The following PHC2 variants were observed in gnomAD, a reference collection of about 807,000 sequenced individuals.
PHC2 encodes polyhomeotic homolog 2, also known as polyhomeotic-like protein 2.
Under a neutral mutation model 87.4 loss-of-function variants are expected in PHC2, and 29 were observed. The observed-to-expected ratio is 0.33, with a 90% CI of 0.25 to 0.45. PHC2 has a LOEUF of 0.45. Ranked by LOEUF, PHC2 falls within the 20% of genes least tolerant of loss-of-function variation. The probability of loss-of-function intolerance (pLI) is 1.00; values close to 1 mark genes in which losing one functional copy is unlikely to be tolerated. For missense variants in PHC2, 857 were observed against 1,136.7 expected, an observed-to-expected ratio of 0.75 and a Z score of 3.54; for synonymous variants, 438 against 461.7, an observed-to-expected ratio of 0.95 and a Z score of 0.66.
chr1:33,367,429 C>G lies in PHC2; in HGVS notation c.664-1G>C. 1.9e-6 allele frequency: 3 copies of G among 1,550,004 alleles called. No homozygotes were observed. The highest frequency in any genetic ancestry group is 2.6e-6 in the Non-Finnish European group (3 of 1,144,264). On this transcript the variant is annotated splice_acceptor_variant, in intron 6 of 14. Coordinates refer to ENST00000683057, the MANE Select transcript of PHC2 (RefSeq NM_001385109.1). LOFTEE classifies it high-confidence loss of function. ...GTGTTCGGAGGGTCAAGTTCTGTAC[C>G]TGGAAAAGAGGGGTCTGTGGGAGTC...
In PHC2 at chr1:33,384,674, G is replaced by A. The variant is rs144478869; in HGVS notation, c.-54-9081C>T. On this transcript the variant is annotated intron_variant, in intron 1 of 14. Transcript: ENST00000683057. ...CACTCTCCATCTCCCTGGCCGGAGC[G>A]CATTCACCCTTTGCAGTTCAGCTAT... 4.1e-4 allele frequency among the ~76,000 whole-genome samples: 62 copies of A among 152,232 alleles called. No homozygotes were observed. In the East Asian group the frequency reaches 4.3e-3, roughly 10 times the overall value.
chr1:33,356,249 TTATATATATATA>T (rs60725677), intron 7 of PHC2, among the ~76,000 whole-genome samples: 5 of 101,534 alleles, frequency 4.9e-5, no homozygotes, highest in Non-Finnish European at 1.1e-4. Context: ...GTGAAAATTC[TTATATATATATA>T]TATATATATA....
In PHC2 at chr1:33,331,349, T is replaced by C. The variant is rs1361547906; in HGVS notation, c.2005A>G (p.Arg669Gly). The C allele has an allele frequency of 6.4e-7, 1 of 1,569,762 alleles. No individual in the cohort carries two copies. Among genetic ancestry groups the C allele is most frequent in the East Asian group, 2.2e-5 (1 of 44,558 alleles). ...KRFCSMACAKRYNVGCTKRVG... is the reference protein window; with the variant it reads ...KRFCSMACAKGYNVGCTKRVG... ...ATGGAGGGGGCTGGGGCCACTCACCTCTTTGCACAAGCCATGGAACAGAAG... is the reference window on the plus strand; with the variant it reads ...ATGGAGGGGGCTGGGGCCACTCACCCCTTTGCACAAGCCATGGAACAGAAG... Residue 669 changes from arginine to glycine, a missense_variant and splice_region_variant, in exon 12 of 15, where the codon AGG becomes GGG. Physicochemically the swap from Arg to Gly is moderately radical, Grantham distance 125. Coordinates refer to ENST00000683057, the MANE Select transcript of PHC2 (RefSeq NM_001385109.1). The surrounding 1 kb of genome is among the most constrained non-coding windows in gnomAD (Gnocchi z 5.2).
chr1:33,325,057 C>T (rs887832097), intron 14 of PHC2, 38 bp from the exon 15 acceptor site: 46 of 1,563,580 alleles, frequency 2.9e-5, no homozygotes, highest in African/African-American at 4.1e-5. Flanking sequence ...CAATCCAAGC[C>T]GCCAGTGTTC....
At position 33,368,556 on chromosome 1, in the gene PHC2, G is replaced by GGGC; in HGVS notation, c.640_642dup (p.Ala214dup). 1 of 1,543,600 alleles carries GGGC rather than the reference G, an allele frequency of 6.5e-7. No individual in the cohort carries two copies. The highest frequency in any genetic ancestry group is 8.8e-7 in the Non-Finnish European group (1 of 1,142,564). ...CTCACCTGGGCGGGGGTGGGGGGCCGGGCGGGGGAGCCAGTGCCGAGCTCA... is the reference window on the plus strand; with the variant it reads ...CTCACCTGGGCGGGGGTGGGGGGCCGGGCGGCGGGGGAGCCAGTGCCGAGCTCA... On this transcript the variant is annotated inframe_insertion, in exon 6 of 15. Coordinates refer to ENST00000683057, the MANE Select transcript of PHC2 (RefSeq NM_001385109.1). The surrounding 1 kb of genome is among the most constrained non-coding windows in gnomAD (Gnocchi z 6.6).
intron 14 of PHC2, among the ~76,000 whole-genome samples, chr1:33,327,914 C>T (rs1646405436): frequency 1.3e-5 from 2 of 152,214 alleles, no homozygotes; most frequent in African/African-American, 4.8e-5. Flanking sequence ...CCCAGGAAGC[C>T]ACTCCTGAAT....
intron 7 of PHC2, among the ~76,000 whole-genome samples, chr1:33,361,868 C>T (rs970156666): frequency 2.0e-5 from 3 of 152,176 alleles, no homozygotes; most frequent in Admixed American, 1.3e-4. Flanking sequence ...TTCTCTGTGC[C>T]GGTCACTTGC....
chr1:33,416,661 T>C (rs1369519328), intron 1 of PHC2, among the ~76,000 whole-genome samples: 3 of 149,786 alleles, frequency 2.0e-5, no homozygotes, highest in African/African-American at 7.3e-5. Context: ...TGGATAGACA[T>C]CTTTAAAGTC....
Position 33,355,082 on chromosome 1 carries a change from G to A in PHC2, c.1148C>T (p.Pro383Leu), listed in dbSNP as rs1268137531. The stretch of plus-strand genomic sequence containing the variant: ...TGAGCTGGGCTGGAGGGCCACGCTT[G>A]GAGAGACTGAGGCGAGCTGGGGGTG... ...EPHPQLASVS[P>L]SVALQPSSEA... The change falls in exon 8 of 15, where the codon CCA becomes CTA. Residue 383 changes from proline to leucine, a missense_variant. Pro to Leu is a moderately conservative substitution (Grantham distance 98). This residue lies in a region of PHC2 where 832 missense variants were observed against 1,081.8 expected (regional missense o/e 0.77). Coordinates refer to ENST00000683057, the MANE Select transcript of PHC2 (RefSeq NM_001385109.1). The A allele has an allele frequency of 1.2e-6, 2 of 1,612,582 alleles. No homozygotes were observed. Among genetic ancestry groups the A allele is most frequent in the Middle Eastern group, 1.7e-4 (1 of 6,054 alleles).
chr1:33,364,028 G>A lies in PHC2; in HGVS notation c.976+3088C>T, dbSNP rs897633571. On this transcript the variant is annotated intron_variant, in intron 7 of 14. Transcript: ENST00000683057. This position sits in a 1 kb window ranked among gnomAD's most constrained non-coding sequence, Gnocchi z 4.1. Reference sequence around the variant, plus strand: ...CACCTGCTCCCCCACCCCTATTCTCGGCATAAGGGACCTTTTCTATTTGCA... The same window carrying A: ...CACCTGCTCCCCCACCCCTATTCTCAGCATAAGGGACCTTTTCTATTTGCA... 11 of 378,266 alleles carry A rather than the reference G, an allele frequency of 2.9e-5. No homozygotes were observed. The highest frequency in any genetic ancestry group is 1.7e-4 in the East Asian group (1 of 6,034). The allele number at this position is 378,266 out of a possible 1,614,324, so 23.4% of individuals were successfully genotyped here.
rs191269545 is a variant in PHC2, at chr1:33,349,147, G to A, written c.1558+5254C>T. ...CCCTTTCCATCCAATTAAAAACCTC[G>A]TGAGACTGAACTAGATTAAAAACAA... On this transcript the variant is annotated intron_variant, in intron 9 of 14. Coordinates refer to ENST00000683057, the MANE Select transcript of PHC2 (RefSeq NM_001385109.1). The surrounding 1 kb of genome is among the most constrained non-coding windows in gnomAD (Gnocchi z 4.2). 1,289 of 985,364 alleles carry A rather than the reference G, an allele frequency of 1.3e-3. No homozygotes were observed. The highest frequency in any genetic ancestry group is 5.1e-3 in the East Asian group (45 of 8,804). The allele number at this position is 985,364 out of a possible 1,614,324, so 61.0% of individuals were successfully genotyped here.
intron 1 of PHC2, among the ~76,000 whole-genome samples, chr1:33,379,549 C>T (rs1305318566): frequency 7.8e-6 from 1 of 128,112 alleles, no homozygotes; most frequent in African/African-American, 3.1e-5. Context: ...TTTGATTCCC[C>T]AGTCCCTGGT....
intron 4 of PHC2, 81 bp from the exon 5 acceptor site, chr1:33,370,666 CCT>C (rs949054343): frequency 3.7e-5 from 50 of 1,364,110 alleles, no homozygotes; most frequent in African/African-American, 3.3e-4. Flanking sequence ...CTTTCTCCCC[CCT>C]CTTTTGCTCC....
At chr1:33,339,036 C>G (rs1032723111) in intron 9 of PHC2, among the ~76,000 whole-genome samples, 1 of 152,192 alleles carries the variant, frequency 6.6e-6, no homozygotes, top group Non-Finnish European at 1.5e-5. Flanking sequence ...TTCACAGGCT[C>G]TGGTACAAAC....
chr1:33,360,412 A>G (rs1307592080), intron 7 of PHC2, among the ~76,000 whole-genome samples: 1 of 152,288 alleles, frequency 6.6e-6, no homozygotes, highest in Non-Finnish European at 1.5e-5. Context: ...GGATAAACGC[A>G]TGGGTTTTAG....
rs368074807 is a variant in PHC2 at position 33,371,127 on chromosome 1, C to A, written c.334-33G>T. 34 of 1,552,974 alleles carry A rather than the reference C, an allele frequency of 2.2e-5. No individual in the cohort carries two copies. The African/African-American group carries it at 4.5e-4, about 20-fold the overall frequency. On this transcript the variant is annotated intron_variant, in intron 3 of 14. Coordinates refer to ENST00000683057, the MANE Select transcript of PHC2 (RefSeq NM_001385109.1). ...AGAACAAACTCCTCTTGCTAGAGTC[C>A]CAGACCTCCCCCAGTCACTCCTGGG...
intron 1 of PHC2, among the ~76,000 whole-genome samples, chr1:33,381,112 T>C (rs1648469953): frequency 1.3e-5 from 2 of 152,278 alleles, no homozygotes; most frequent in African/African-American, 4.8e-5. Context: ...ACTCTTCTCC[T>C]CTTGCTTCCT....
intron 7 of PHC2, among the ~76,000 whole-genome samples, chr1:33,358,503 A>G (rs1647135220): frequency 6.6e-6 from 1 of 152,198 alleles, no homozygotes; most frequent in Non-Finnish European, 1.5e-5. Flanking sequence ...CTCCAGCATT[A>G]TCCTGGATCA....
chr1:33,370,610 G>T (rs750015219), intron 4 of PHC2, 25 bp from the exon 5 acceptor site: 2 of 1,593,502 alleles, frequency 1.3e-6, no homozygotes, highest in South Asian at 2.2e-5. Context: ...ATGTGCGGTA[G>T]GAGATAGGAG....
Sources: gnomAD v4.1 joint callset for allele counts (sites outside exome capture counted in the v4.1 genomes callset) on GRCh38, gnomAD v4.1.1 for gene constraint, gnomAD v4.1.1 regional missense constraint, Gnocchi (gnomAD v3.1) non-coding constraint, MANE v1.5 for transcripts, NCBI Gene and HGNC (gene_info 2026-07-23, HGNC 2026-07-21) for gene names.